The following PPTC7 variants were observed in gnomAD, a reference collection of about 807,000 sequenced individuals.
The protein encoded by PPTC7 is protein phosphatase targeting COQ7.
A neutral mutation model predicts 30.8 loss-of-function variants in PPTC7; 6 were observed. That is an observed-to-expected ratio of 0.19 (90% confidence interval 0.11 to 0.38). The LOEUF (loss-of-function observed/expected upper bound fraction) is 0.38, where lower values mean the gene tolerates loss of function less well. Ranked by LOEUF, PPTC7 falls within the 10% of genes least tolerant of loss-of-function variation. PPTC7 has a pLI of 1.00. For missense variants in PPTC7, 218 were observed against 404.8 expected (o/e 0.54, Z 3.96); for synonymous variants, 163 against 168.1 (o/e 0.97, Z 0.23).
chr12:110,553,732 T>A (rs921893087), intron 1 of PPTC7, among the ~76,000 whole-genome samples: 1 of 152,148 alleles, frequency 6.6e-6, no homozygotes. Flanking sequence ...TGAGCCATGA[T>A]TACGCCACTG....
intron 1 of PPTC7, among the ~76,000 whole-genome samples, chr12:110,566,154 G>A (rs1317425008): frequency 1.0e-4 from 1 of 9,930 alleles, no homozygotes; most frequent in Non-Finnish European, 1.5e-4. Context: ...CAGAGCTTAC[G>A]GCATTTAGGA....
At chr12:110,566,486 T>A (rs1201954192) in intron 1 of PPTC7, among the ~76,000 whole-genome samples, 1 of 152,216 alleles carries the variant, frequency 6.6e-6, no homozygotes, top group African/African-American at 2.4e-5. Flanking sequence ...TAGCTTCACC[T>A]GTGAATGGAG....
rs1384886633 is a variant in PPTC7 at position 110,534,128 on chromosome 12, T to A, written c.*2909A>T. The A allele has an allele frequency of 3.9e-5, 6 of 152,144 alleles. No individual in the cohort carries two copies. The highest frequency in any genetic ancestry group is 1.4e-4 in the African/African-American group (6 of 41,448). The allele number at this position is 152,144 out of a possible 1,614,324, so 9.4% of individuals were successfully genotyped here. A position where few individuals can be genotyped will look rare whatever the true frequency, so the allele number is the denominator to read the frequency against. Reference sequence around the variant, plus strand: ...ACTGCATCTCCATTTGGTAAATTTTTTTTTTTTTTGTGCGCAGGCAGCTTA... The same window carrying A: ...ACTGCATCTCCATTTGGTAAATTTTATTTTTTTTTGTGCGCAGGCAGCTTA... On this transcript the variant is annotated 3_prime_UTR_variant, in exon 6 of 6. Transcript: ENST00000354300.
chr12:110,581,647 A>C (rs2064638122), intron 1 of PPTC7, among the ~76,000 whole-genome samples: 1 of 152,240 alleles, frequency 6.6e-6, no homozygotes, highest in Non-Finnish European at 1.5e-5. Flanking sequence ...AACTGAGAAC[A>C]ACCTTTCCAG....
intron 3 of PPTC7, among the ~76,000 whole-genome samples, chr12:110,542,299 TAA>T (rs796226807): frequency 1.4e-5 from 2 of 142,164 alleles, no homozygotes. Context: ...ACCATTTCCG[TAA>T]AAAAAAAAAG....
intron 1 of PPTC7, among the ~76,000 whole-genome samples, chr12:110,562,439 T>C (rs1354721427): frequency 6.6e-6 from 1 of 151,454 alleles, no homozygotes; most frequent in Non-Finnish European, 1.5e-5. Context: ...TCTATGGAGG[T>C]AAAATTATAT....
In PPTC7 at chr12:110,533,245, T is replaced by C. The variant is rs1280876599; in HGVS notation, c.*3792A>G. Reference sequence around the variant, plus strand: ...ATTCAAACCAAAAGAAGCACACAGATTAGTATAAATACTATATTTATTAAA... The same window carrying C: ...ATTCAAACCAAAAGAAGCACACAGACTAGTATAAATACTATATTTATTAAA... On this transcript the variant is annotated 3_prime_UTR_variant, in exon 6 of 6. Transcript: ENST00000354300. The C allele has an allele frequency of 6.6e-6, 1 of 152,226 alleles. No homozygotes were observed. The highest frequency in any genetic ancestry group is 2.4e-5 in the African/African-American group (1 of 41,454). 9.4% of individuals were successfully genotyped at this position (152,226 alleles called of 1,614,324 possible).
At chr12:110,540,850 A>G (rs1317666114) in intron 3 of PPTC7, among the ~76,000 whole-genome samples, 1 of 150,364 alleles carries the variant, frequency 6.7e-6, no homozygotes, top group African/African-American at 2.5e-5. Context: ...ATCTCGGCTC[A>G]CTGCGAGCTC....
At chr12:110,537,407 G>T (rs888345911) in intron 5 of PPTC7, among the ~76,000 whole-genome samples, 1 of 152,042 alleles carries the variant, frequency 6.6e-6, no homozygotes, top group Non-Finnish European at 1.5e-5. Flanking sequence ...AAAGTTACAT[G>T]CTTCTATACC....
intron 1 of PPTC7, among the ~76,000 whole-genome samples, chr12:110,573,752 C>A (rs536034485): frequency 6.6e-6 from 1 of 151,838 alleles, no homozygotes; most frequent in Admixed American, 6.6e-5. Context: ...GAGGCCGAGG[C>A]GGGCAGATTA....
At chr12:110,576,402 T>G (rs542165060) in intron 1 of PPTC7, among the ~76,000 whole-genome samples, 1 of 152,166 alleles carries the variant, frequency 6.6e-6, no homozygotes. Context: ...ATTAAAAACA[T>G]GTCCATACAA....
chr12:110,557,137 T>C, intron 1 of PPTC7, among the ~76,000 whole-genome samples: 1 of 152,200 alleles, frequency 6.6e-6, no homozygotes, highest in Non-Finnish European at 1.5e-5. Flanking sequence ...CTGTCTAACA[T>C]GGGAGCCACT....
chr12:110,555,729 AG>A (rs540395158), intron 1 of PPTC7, among the ~76,000 whole-genome samples: 83 of 152,206 alleles, frequency 5.5e-4, no homozygotes, highest in Non-Finnish European at 1.1e-3. Context: ...CTATCTTACA[AG>A]GAACAGCACA....
intron 4 of PPTC7, among the ~76,000 whole-genome samples, chr12:110,538,906 T>C (rs548327834): frequency 1.5e-4 from 23 of 152,206 alleles, no homozygotes; most frequent in Non-Finnish European, 2.9e-4. Flanking sequence ...TATTCCCTTA[T>C]CCAGCTTTGT....
intron 4 of PPTC7, among the ~76,000 whole-genome samples, chr12:110,539,600 A>G (rs2064241550): frequency 6.6e-6 from 1 of 152,240 alleles, no homozygotes; most frequent in South Asian, 2.1e-4. Context: ...AATGCCCTCC[A>G]TCTAGACTTT....
intron 1 of PPTC7, among the ~76,000 whole-genome samples, chr12:110,557,325 G>A (rs905546316): frequency 2.4e-4 from 37 of 152,308 alleles, no homozygotes; most frequent in African/African-American, 8.9e-4. Context: ...AGCCCAGGCT[G>A]GAGTAGTGGC....
intron 1 of PPTC7, among the ~76,000 whole-genome samples, chr12:110,562,956 T>TA (rs1593158502): frequency 2.0e-5 from 3 of 151,120 alleles, no homozygotes; most frequent in African/African-American, 4.9e-5. Context: ...ACCCTGTCTC[T>TA]ACTAAAAATA....
chr12:110,562,812 GA>G (rs796919101), intron 1 of PPTC7, among the ~76,000 whole-genome samples: 60 of 141,612 alleles, frequency 4.2e-4, no homozygotes, highest in East Asian at 1.8e-3. Flanking sequence ...AAAAGAAGAG[GA>G]AAAAAAAAAA....
intron 2 of PPTC7, chr12:110,546,481 C>A: frequency 5.5e-6 from 1 of 180,608 alleles, no homozygotes; most frequent in Non-Finnish European, 1.2e-5. Flanking sequence ...TACATTTTCC[C>A]GACATTTCTT....
Sources: gnomAD v4.1 joint callset for allele counts (sites outside exome capture counted in the v4.1 genomes callset) on GRCh38, gnomAD v4.1.1 for gene constraint, MANE v1.5 for transcripts, NCBI Gene and HGNC (gene_info 2026-07-23, HGNC 2026-07-21) for gene names.